The following FGF2 variants were observed in gnomAD, a reference collection of about 807,000 sequenced individuals.
The protein encoded by FGF2 is basic fibroblast growth factor bFGF.
Under a neutral mutation model 15.9 loss-of-function variants are expected in FGF2, and 13 were observed. That is an observed-to-expected ratio of 0.82 (90% CI 0.53 to 1.30). The LOEUF (loss-of-function observed/expected upper bound fraction) is 1.30. FGF2 is among the 50% of genes most tolerant of loss of function. The pLI is 0.00. For synonymous variants in FGF2, 90 were observed against 78.4 expected (o/e 1.15, Z -0.78); for missense variants, 163 against 196.9 (o/e 0.83, Z 1.03).
chr4:122,861,714 G>A (rs1262377121), intron 1 of FGF2, among the ~76,000 whole-genome samples: 1 of 151,980 alleles, frequency 6.6e-6, no homozygotes. Context: ...CAGAGCCTCT[G>A]GTATCTCCAG....
At chr4:122,857,703 G>A (rs1289481870) in intron 1 of FGF2, among the ~76,000 whole-genome samples, 1 of 152,202 alleles carries the variant, frequency 6.6e-6, no homozygotes, top group African/African-American at 2.4e-5. Flanking sequence ...TTGTAAGTTT[G>A]TATGGATTGA....
chr4:122,865,404 C>T (rs1272281221), intron 1 of FGF2, among the ~76,000 whole-genome samples: 1 of 152,152 alleles, frequency 6.6e-6, no homozygotes, highest in East Asian at 1.9e-4. Context: ...AATTCTTGTG[C>T]CTCAGCCTTC....
At chr4:122,861,797 C>G (rs2150776632) in intron 1 of FGF2, among the ~76,000 whole-genome samples, 1 of 152,308 alleles carries the variant, frequency 6.6e-6, no homozygotes, top group South Asian at 2.1e-4. Flanking sequence ...TACCTAATTG[C>G]TGGAAGTTCC....
chr4:122,861,966 A>G (rs577278379), intron 1 of FGF2, among the ~76,000 whole-genome samples: 34 of 152,164 alleles, frequency 2.2e-4, no homozygotes, highest in Middle Eastern at 3.4e-3. Context: ...GCTGGGTTAG[A>G]TGTATTCTCT....
At chr4:122,836,340 G>A (rs185293687) in intron 1 of FGF2, among the ~76,000 whole-genome samples, 1 of 152,230 alleles carries the variant, frequency 6.6e-6, no homozygotes, top group Admixed American at 6.5e-5. Context: ...CTTTAACCAG[G>A]CAGTTTTCCT....
chr4:122,827,267 G>A lies in FGF2; in HGVS notation c.93G>A (p.Arg31=). Residue 31 remains arginine (R), a synonymous_variant, in exon 1 of 3, where the codon CGG becomes CGA. Coordinates refer to ENST00000644866, the MANE Select transcript of FGF2 (RefSeq NM_001361665.2). This position sits in a 1 kb window ranked among gnomAD's most constrained non-coding sequence, Gnocchi z 4.2. ...FPPGHFKDPK[R]LYCKNGGFFL... is the part of the protein sequence containing the mutation. ...CCGGCCACTTCAAGGACCCCAAGCGGCTGTACTGCAAAAACGGGGGCTTCT... is the reference window on the plus strand; with the variant it reads ...CCGGCCACTTCAAGGACCCCAAGCGACTGTACTGCAAAAACGGGGGCTTCT... The A allele has an allele frequency of 2.5e-6, 4 of 1,612,728 alleles. No individual in the cohort carries two copies. Among genetic ancestry groups the A allele is most frequent in the Non-Finnish European group, 3.4e-6 (4 of 1,179,864 alleles).
intron 1 of FGF2, among the ~76,000 whole-genome samples, chr4:122,834,964 G>A (rs1329460861): frequency 1.3e-5 from 2 of 152,120 alleles, no homozygotes. Context: ...TTTTTTGCAT[G>A]TCTGACACCC....
At chr4:122,858,429 G>A (rs1971231) in intron 1 of FGF2, among the ~76,000 whole-genome samples, 7,673 of 150,848 alleles carry the variant, frequency 0.051, 304 homozygotes, top group Non-Finnish European at 0.075. Flanking sequence ...ACAGAGTCTC[G>A]ATCTGTCACC....
At chr4:122,886,028 C>G (rs1727051255) in intron 2 of FGF2, among the ~76,000 whole-genome samples, 2 of 150,204 alleles carry the variant, frequency 1.3e-5, no homozygotes, top group African/African-American at 2.5e-5. Context: ...AAGCGATCCT[C>G]CTACCTTGGC....
At chr4:122,830,397 A>G (rs920659560) in intron 1 of FGF2, among the ~76,000 whole-genome samples, 1 of 151,206 alleles carries the variant, frequency 6.6e-6, no homozygotes, top group African/African-American at 2.4e-5. Context: ...AATGTTTCCA[A>G]TTTTTCAGTG....
intron 1 of FGF2, among the ~76,000 whole-genome samples, chr4:122,855,519 C>T (rs1726321728): frequency 6.6e-6 from 1 of 152,154 alleles, no homozygotes; most frequent in Admixed American, 6.5e-5. Flanking sequence ...ACAACTTGTT[C>T]CATATGAAGA....
intron 1 of FGF2, among the ~76,000 whole-genome samples, chr4:122,859,059 G>A (rs1726400972): frequency 6.6e-6 from 1 of 152,220 alleles, no homozygotes; most frequent in South Asian, 2.1e-4. Flanking sequence ...CTAATATAGT[G>A]AGCCTTGAAA....
At chr4:122,883,315 A>T (rs916510672) in intron 2 of FGF2, 2 of 152,236 alleles carry the variant, frequency 1.3e-5, no homozygotes, top group Admixed American at 1.3e-4. Flanking sequence ...ATGAAAAAAG[A>T]CTAATTTGTA....
rs138955587 is a variant in FGF2, at chr4:122,868,481, C to T, written c.179-7840C>T. ...CTTTTTATGGCTGCATAATATTCCA[C>T]GGTGTGTGTGTACCACATTTTCTTG... On this transcript the variant is annotated intron_variant, in intron 1 of 2. Transcript: ENST00000644866. Among the ~76,000 whole-genome samples, 1,236 of 152,260 alleles carry T rather than the reference C, an allele frequency of 8.1e-3. 16 individuals carry two copies. Among genetic ancestry groups the T allele is most frequent in the African/African-American group, 0.028 (1,167 of 41,536 alleles).
At chr4:122,829,386 A>G (rs1725712956) in intron 1 of FGF2, among the ~76,000 whole-genome samples, 1 of 152,138 alleles carries the variant, frequency 6.6e-6, no homozygotes, top group Admixed American at 6.5e-5. Context: ...ATGCTGCTGA[A>G]CATCCTACAA....
intron 1 of FGF2, among the ~76,000 whole-genome samples, chr4:122,851,071 A>C (rs1054627871): frequency 6.6e-6 from 1 of 152,166 alleles, no homozygotes; most frequent in South Asian, 2.1e-4. Flanking sequence ...CCTTGCATCC[A>C]ACCAATTGCT....
Position 122,893,410 on chromosome 4 carries a change from G to A in FGF2, c.*1014G>A, listed in dbSNP as rs1447033909. On this transcript the variant is annotated 3_prime_UTR_variant, in exon 3 of 3. Coordinates refer to ENST00000644866, the MANE Select transcript of FGF2 (RefSeq NM_001361665.2). Reference sequence around the variant, plus strand: ...AATCCCAAAATATTTTCTTACCACTGTAAATTCAAGAAGCTTTTGAAATGC... The same window carrying A: ...AATCCCAAAATATTTTCTTACCACTATAAATTCAAGAAGCTTTTGAAATGC... The A allele has an allele frequency of 2.0e-6, 1 of 502,086 alleles. No individual in the cohort carries two copies. Among genetic ancestry groups the A allele is most frequent in the Non-Finnish European group, 3.3e-6 (1 of 299,606 alleles). The allele number at this position is 502,086 out of a possible 1,614,324, so 31.1% of individuals were successfully genotyped here.
intron 1 of FGF2, among the ~76,000 whole-genome samples, chr4:122,844,571 T>TTTTCTTTCTTTCTTTCTTTCTTTCTTTC (rs760850966): frequency 7.8e-5 from 10 of 128,352 alleles, no homozygotes; most frequent in African/African-American, 3.7e-4. Context: ...CTTTCTTTCT[T>TTTTCTTTCTTTCTTTCTTTCTTTCTTTC]TTTCTTTCTT....
At chr4:122,880,667 G>A (rs914557671) in intron 2 of FGF2, among the ~76,000 whole-genome samples, 3 of 152,164 alleles carry the variant, frequency 2.0e-5, no homozygotes, top group African/African-American at 7.2e-5. Flanking sequence ...CTGTGGCTTT[G>A]CAGGGTACAG....
Sources: gnomAD v4.1 joint callset for allele counts (sites outside exome capture counted in the v4.1 genomes callset) on GRCh38, gnomAD v4.1.1 for gene constraint, Gnocchi (gnomAD v3.1) non-coding constraint, MANE v1.5 for transcripts, NCBI Gene and HGNC (gene_info 2026-07-23, HGNC 2026-07-21) for gene names.